The following CCND3 variants were observed in gnomAD, a reference collection of about 807,000 sequenced individuals.
The protein encoded by CCND3 is G1/S-specific cyclin-D3.
Under a neutral mutation model 28.7 loss-of-function variants are expected in CCND3, and 9 were observed. That is an observed-to-expected ratio of 0.31 (90% CI 0.19 to 0.55). The LOEUF is 0.55. Ranked by LOEUF, CCND3 falls within the 20% of genes least tolerant of loss-of-function variation. The pLI, the probability that CCND3 is intolerant of heterozygous loss-of-function variation, is 0.93. For synonymous variants in CCND3, 164 were observed against 163.9 expected (o/e 1.00, Z 0.00); for missense variants, 315 against 385.8 (o/e 0.82, Z 1.54).
chr6:41,956,948 A>G (rs1776453601), intron 1 of CCND3, among the ~76,000 whole-genome samples: 1 of 152,078 alleles, frequency 6.6e-6, no homozygotes, highest in South Asian at 2.1e-4. Flanking sequence ...GGAGAATGGC[A>G]TGAACCCGGG....
At chr6:41,947,763 A>G (rs1334119371) in intron 1 of CCND3, among the ~76,000 whole-genome samples, 3 of 151,660 alleles carry the variant, frequency 2.0e-5, no homozygotes, top group Non-Finnish European at 2.9e-5. Context: ...CTCGATTTCC[A>G]CTTCTACCCC....
rs1174703013 is a variant in CCND3, at chr6:42,048,937, G to C, written c.-482C>G. On this transcript the variant is annotated 5_prime_UTR_variant, in exon 1 of 5. Transcript: ENST00000372988. This position sits in a 1 kb window ranked among gnomAD's most constrained non-coding sequence, Gnocchi z 4.7. ...CGGAGGCTCAGGTGTGGGCGGCGGG[G>C]CCGGGGCAGCACGGGTTCCCGGACC... is the stretch of plus-strand genomic sequence containing the variant. 4.4e-6 allele frequency: 1 copy of C among 226,976 alleles called. No homozygotes were observed. Among genetic ancestry groups the C allele is most frequent in the Non-Finnish European group, 8.6e-6 (1 of 115,936 alleles). 14.1% of individuals were successfully genotyped at this position (226,976 alleles called of 1,614,324 possible). A position where few individuals can be genotyped will look rare whatever the true frequency, so the allele number is the denominator to read the frequency against.
chr6:42,033,795 G>T (rs924645337), intron 1 of CCND3, among the ~76,000 whole-genome samples: 2 of 151,332 alleles, frequency 1.3e-5, no homozygotes, highest in Non-Finnish European at 2.9e-5. Context: ...GTTTGGAGGT[G>T]AGCTGAGATT....
chr6:41,999,760 A>G (rs115477712), intron 1 of CCND3, among the ~76,000 whole-genome samples: 1 of 152,054 alleles, frequency 6.6e-6, no homozygotes, highest in African/African-American at 2.4e-5. Flanking sequence ...ACATGGTGGT[A>G]TGCACCTACA....
chr6:42,049,827 T>A (rs1331700772), upstream of CCND3: 4 of 152,320 alleles, frequency 2.6e-5, no homozygotes, highest in East Asian at 7.7e-4. Flanking sequence ...AGAAGAATCA[T>A]CTGGGGAGCT....
At chr6:42,023,277 C>T (rs534565063) in intron 1 of CCND3, among the ~76,000 whole-genome samples, 2 of 152,256 alleles carry the variant, frequency 1.3e-5, no homozygotes, top group South Asian at 2.1e-4. Context: ...AAATGGCCCC[C>T]GAGCCTAGGG....
intron 1 of CCND3, among the ~76,000 whole-genome samples, chr6:41,961,354 G>A (rs1314917479): frequency 6.6e-6 from 1 of 152,062 alleles, no homozygotes; most frequent in Non-Finnish European, 1.5e-5. Context: ...AGATCACAAG[G>A]TCAGCAGTTT....
At chr6:41,959,576 C>T (rs765775988) in intron 1 of CCND3, among the ~76,000 whole-genome samples, 2 of 150,798 alleles carry the variant, frequency 1.3e-5, no homozygotes, top group Non-Finnish European at 2.9e-5. Context: ...CCCAGCTACT[C>T]GGGATGGGGG....
chr6:42,036,789 C>T (rs1218773304), intron 1 of CCND3, among the ~76,000 whole-genome samples: 1 of 152,014 alleles, frequency 6.6e-6, no homozygotes, highest in Non-Finnish European at 1.5e-5. Flanking sequence ...CAGATTAAAT[C>T]AGAAACTGAT....
upstream of CCND3, among the ~76,000 whole-genome samples, chr6:41,945,087 C>A (rs191971645): frequency 2.9e-4 from 44 of 152,220 alleles, no homozygotes; most frequent in African/African-American, 9.9e-4. Flanking sequence ...AGTTTCTACC[C>A]AGGTACATCC....
chr6:41,964,430 G>A (rs574275219), intron 1 of CCND3, among the ~76,000 whole-genome samples: 2 of 151,366 alleles, frequency 1.3e-5, no homozygotes, highest in Admixed American at 1.3e-4. Flanking sequence ...GAATGTGTTT[G>A]TGTGTATGTG....
Position 41,936,547 on chromosome 6 carries a change from C to G in CCND3, c.711+12G>C. On this transcript the variant is annotated intron_variant, in intron 4 of 4. Transcript: ENST00000372991. This position sits in a 1 kb window ranked among gnomAD's most constrained non-coding sequence, Gnocchi z 4.4. ...GAATGGAGAGGCTGCTGCCCAGCTA[C>G]CCAGCACTCACCACTTCAGTGCCAG... 6.2e-7 allele frequency: 1 copy of G among 1,613,928 alleles called. No individual in the cohort carries two copies. The highest frequency in any genetic ancestry group is 8.5e-7 in the Non-Finnish European group (1 of 1,179,878).
chr6:42,010,598 G>A (rs1035120551), intron 1 of CCND3, among the ~76,000 whole-genome samples: 1 of 152,138 alleles, frequency 6.6e-6, no homozygotes, highest in Non-Finnish European at 1.5e-5. Flanking sequence ...CAGCAGGGCC[G>A]GGTTAACTGA....
upstream of CCND3, among the ~76,000 whole-genome samples, chr6:41,942,745 G>A (rs990211365): frequency 2.0e-5 from 3 of 152,066 alleles, no homozygotes; most frequent in African/African-American, 7.2e-5. Context: ...TCCACTTGAC[G>A]AAGAGGCCGA....
intron 1 of CCND3, among the ~76,000 whole-genome samples, chr6:42,044,616 C>T (rs939301938): frequency 6.6e-6 from 1 of 152,124 alleles, no homozygotes; most frequent in Admixed American, 6.5e-5. Flanking sequence ...GTCCCACTAA[C>T]CCCCTACTTC....
At chr6:41,960,209 T>C (rs1157890142) in intron 1 of CCND3, among the ~76,000 whole-genome samples, 8 of 152,140 alleles carry the variant, frequency 5.3e-5, no homozygotes, top group Non-Finnish European at 1.2e-4. Context: ...AGAAAGCAGA[T>C]TCATGGTTGC....
intron 1 of CCND3, among the ~76,000 whole-genome samples, chr6:41,968,281 C>T (rs1026599191): frequency 6.6e-6 from 1 of 152,164 alleles, no homozygotes; most frequent in Non-Finnish European, 1.5e-5. Flanking sequence ...ATCTTTATGA[C>T]ATTACCAATA....
At chr6:41,968,614 A>G (rs115511698) in intron 1 of CCND3, among the ~76,000 whole-genome samples, 2,278 of 152,296 alleles carry the variant, frequency 0.015, 41 homozygotes, top group South Asian at 0.072. Context: ...GACATAGGAA[A>G]AAAAGTATTA....
intron 1 of CCND3, among the ~76,000 whole-genome samples, chr6:42,016,226 C>A (rs1163939447): frequency 6.6e-6 from 1 of 152,292 alleles, no homozygotes; most frequent in South Asian, 2.1e-4. Context: ...TGAGCCACTG[C>A]GCCCAGCCAC....
Sources: gnomAD v4.1 joint callset for allele counts (sites outside exome capture counted in the v4.1 genomes callset) on GRCh38, gnomAD v4.1.1 for gene constraint, Gnocchi (gnomAD v3.1) non-coding constraint, MANE v1.5 for transcripts, NCBI Gene and HGNC (gene_info 2026-07-23, HGNC 2026-07-21) for gene names.